PTPRN2: variants seen among roughly 807,000 people sequenced by gnomAD.
The protein encoded by PTPRN2 is receptor-type tyrosine-protein phosphatase N2.
Under a neutral mutation model 118.8 loss-of-function variants are expected in PTPRN2, and 74 were observed. The observed-to-expected ratio is 0.62, with a 90% CI of 0.52 to 0.76. The LOEUF is 0.76. PTPRN2 is among the 30% of genes least tolerant of loss of function. PTPRN2 has a pLI of 0.00. For missense variants in PTPRN2, 1,481 were observed against 1,394.4 expected (o/e 1.06, Z -0.99); for synonymous variants, 641 against 608.0 (o/e 1.05, Z -0.80).
chr7:158,333,252 G>A (rs1315118656), intron 2 of PTPRN2, among the ~76,000 whole-genome samples: 6 of 126,778 alleles, frequency 4.7e-5, no homozygotes, highest in African/African-American at 1.0e-4. Flanking sequence ...CAAAAGAGCT[G>A]TCGCCCGCAG....
At chr7:158,551,197 C>T (rs903062161) in intron 1 of PTPRN2, among the ~76,000 whole-genome samples, 2 of 152,234 alleles carry the variant, frequency 1.3e-5, no homozygotes, top group African/African-American at 2.4e-5. Context: ...ATTCCCACTG[C>T]GGATGGTCAC....
At chr7:157,703,812 C>G (rs929476128) in intron 12 of PTPRN2, among the ~76,000 whole-genome samples, 3 of 152,300 alleles carry the variant, frequency 2.0e-5, no homozygotes, top group African/African-American at 7.2e-5. Flanking sequence ...GCCCGGAAAA[C>G]TACATTTGCC....
In PTPRN2 at chr7:158,570,821, T is replaced by C. The variant is rs1827984428; in HGVS notation, c.112+16737A>G. On this transcript the variant is annotated intron_variant, in intron 1 of 22. Transcript: ENST00000389418. This position sits in a 1 kb window ranked among gnomAD's most constrained non-coding sequence, Gnocchi z 4.5. ...TCAGGAACCCTGTGGAGCTCATGGC[T>C]TTTGTGACTGAGACTAAAAGCATCC... Among the ~76,000 whole-genome samples the C allele has an allele frequency of 2.0e-5, 3 of 152,084 alleles. No homozygotes were observed.
intron 12 of PTPRN2, among the ~76,000 whole-genome samples, chr7:157,720,275 C>T (rs1799157258): frequency 1.3e-5 from 2 of 152,028 alleles, no homozygotes; most frequent in Non-Finnish European, 2.9e-5. Flanking sequence ...CTACCCTCGC[C>T]CCATCATGCC....
At chr7:158,481,730 G>A (rs150519167) in intron 2 of PTPRN2, among the ~76,000 whole-genome samples, 1 of 152,300 alleles carries the variant, frequency 6.6e-6, no homozygotes, top group East Asian at 1.9e-4. Flanking sequence ...CCAAAGTGCT[G>A]GGATTACAGA....
At chr7:158,071,703 G>C (rs1811794542) in intron 11 of PTPRN2, among the ~76,000 whole-genome samples, 4 of 140,630 alleles carry the variant, frequency 2.8e-5, no homozygotes, top group Admixed American at 7.2e-5. Flanking sequence ...GCTTGTGGTG[G>C]AGGTGCTCCT....
At chr7:157,860,750 A>T (rs1208521785) in intron 12 of PTPRN2, among the ~76,000 whole-genome samples, 2 of 152,266 alleles carry the variant, frequency 1.3e-5, no homozygotes, top group Non-Finnish European at 2.9e-5. Context: ...ACAGTTTCTT[A>T]TATTTATACA....
In PTPRN2 at chr7:158,327,918, C is replaced by G. The variant is rs1320421439; in HGVS notation, c.164-10986G>C. Among the ~76,000 whole-genome samples, 8 of 152,168 alleles carry G rather than the reference C, an allele frequency of 5.3e-5. No homozygotes were observed. The East Asian group carries it at 1.3e-3, about 26-fold the overall frequency. On this transcript the variant is annotated intron_variant, in intron 2 of 22. Transcript: ENST00000389418. ...GCACCACAGACGGAGGAGCCCACTG[C>G]TCCATCAGGGTCCCCAGGGGTGCAG...
In PTPRN2 at chr7:157,784,829, C is replaced by T. The variant is rs919637098; in HGVS notation, c.1789-101892G>A. Among the ~76,000 whole-genome samples the T allele has an allele frequency of 2.0e-5, 3 of 152,074 alleles. No homozygotes were observed. Among genetic ancestry groups the T allele is most frequent in the Admixed American group, 6.5e-5 (1 of 15,284 alleles). ...GAAATGAACCCATCGTGTGGGGCGA[C>T]ATAGGGGCCCAGGGGGCCTGGACAA... On this transcript the variant is annotated intron_variant, in intron 12 of 22. Coordinates refer to ENST00000389418, the MANE Select transcript of PTPRN2 (RefSeq NM_002847.5). This position sits in a 1 kb window ranked among gnomAD's most constrained non-coding sequence, Gnocchi z 4.6.
At chr7:157,900,719 C>A (rs1479094571) in intron 11 of PTPRN2, among the ~76,000 whole-genome samples, 1 of 152,230 alleles carries the variant, frequency 6.6e-6, no homozygotes, top group African/African-American at 2.4e-5. Context: ...AGGGGCACCC[C>A]CTCCCTCAAC....
intron 11 of PTPRN2, among the ~76,000 whole-genome samples, chr7:158,075,497 C>T (rs528577348): frequency 4.6e-5 from 7 of 152,286 alleles, no homozygotes; most frequent in South Asian, 2.1e-4. Flanking sequence ...GCCCCCTCCC[C>T]GCCCCCAACG....
At chr7:158,102,851 G>A (rs1815351253) in intron 10 of PTPRN2, among the ~76,000 whole-genome samples, 1 of 152,162 alleles carries the variant, frequency 6.6e-6, no homozygotes. Context: ...GACAGCACAC[G>A]GCTAATGTTC....
At chr7:158,331,520 C>G (rs1379354823) in intron 2 of PTPRN2, among the ~76,000 whole-genome samples, 1 of 147,990 alleles carries the variant, frequency 6.8e-6, no homozygotes, top group Admixed American at 6.7e-5. Context: ...ACAGACATCA[C>G]TCACACCCAC....
chr7:157,592,636 C>T, intron 17 of PTPRN2, among the ~76,000 whole-genome samples: 1 of 121,492 alleles, frequency 8.2e-6, no homozygotes, highest in Admixed American at 8.6e-5. Flanking sequence ...ACGCCAAGAG[C>T]CTTCACACAG....
chr7:158,150,569 A>C (rs1820884319), intron 6 of PTPRN2, among the ~76,000 whole-genome samples: 1 of 152,024 alleles, frequency 6.6e-6, no homozygotes, highest in African/African-American at 2.4e-5. Context: ...GGGCATTTCT[A>C]GAAGGTCAAG....
intron 22 of PTPRN2, among the ~76,000 whole-genome samples, chr7:157,546,269 A>C (rs1300306434): frequency 6.6e-6 from 1 of 152,024 alleles, no homozygotes; most frequent in Non-Finnish European, 1.5e-5. Context: ...TCATCTTGCT[A>C]TTTATTTATT....
At chr7:157,810,748 G>A (rs899852766) in intron 12 of PTPRN2, among the ~76,000 whole-genome samples, 7 of 144,708 alleles carry the variant, frequency 4.8e-5, no homozygotes, top group Middle Eastern at 3.9e-3. Flanking sequence ...GGCTCTCCAC[G>A]GGGACGGCGG....
rs563961124 is a variant in PTPRN2 at position 158,266,480 on chromosome 7, C to T, written c.277+50339G>A. Among the ~76,000 whole-genome samples, 389 of 151,214 alleles carry T rather than the reference C, an allele frequency of 2.6e-3. 2 individuals are homozygous for T. Among genetic ancestry groups the T allele is most frequent in the African/African-American group, 8.8e-3 (362 of 41,082 alleles). ...TGTTGTCTGGCAGTGAAGCTGGGGA[C>T]GGTGTCCGCTGCAGTGTGATGTCTG... On this transcript the variant is annotated intron_variant, in intron 3 of 22. Coordinates refer to ENST00000389418, the MANE Select transcript of PTPRN2 (RefSeq NM_002847.5).
chr7:157,652,286 G>A (rs888489440), intron 14 of PTPRN2, among the ~76,000 whole-genome samples: 15 of 152,152 alleles, frequency 9.9e-5, no homozygotes, highest in Non-Finnish European at 2.1e-4. Context: ...ACGCACCTTC[G>A]GCACAGGTGA....
Sources: gnomAD v4.1 joint callset for allele counts (sites outside exome capture counted in the v4.1 genomes callset) on GRCh38, gnomAD v4.1.1 for gene constraint, Gnocchi (gnomAD v3.1) non-coding constraint, MANE v1.5 for transcripts, NCBI Gene and HGNC (gene_info 2026-07-23, HGNC 2026-07-21) for gene names.